Variants in DEPDC1B observed in about 807,000 individuals in gnomAD.
The protein encoded by DEPDC1B is DEP domain-containing protein 1B.
In DEPDC1B, 51 loss-of-function variants were observed where a neutral mutation model predicts 66.5. The ratio of observed to expected loss-of-function variants is 0.77; its 90% CI spans 0.61 to 0.97. The LOEUF is 0.97. DEPDC1B is among the 50% of genes least tolerant of loss of function. The pLI is 0.00. For synonymous variants in DEPDC1B, 226 were observed against 223.6 expected, an observed-to-expected ratio of 1.01 and a Z score of -0.10; for missense variants, 552 against 637.1, an observed-to-expected ratio of 0.87 and a Z score of 1.44.
At chr5:60,691,500 G>A (rs1754544745) in intron 1 of DEPDC1B, among the ~76,000 whole-genome samples, 1 of 152,016 alleles carries the variant, frequency 6.6e-6, no homozygotes, top group Non-Finnish European at 1.5e-5. Flanking sequence ...TGTGAGTCAT[G>A]CTCCAAATTA....
chr5:60,601,556 T>A (rs1752199377), intron 9 of DEPDC1B, among the ~76,000 whole-genome samples: 1 of 152,158 alleles, frequency 6.6e-6, no homozygotes, highest in African/African-American at 2.4e-5. Flanking sequence ...TAAAAAATAA[T>A]CACAGATTAG....
chr5:60,623,558 A>C (rs1399808746), intron 7 of DEPDC1B, among the ~76,000 whole-genome samples: 2 of 152,168 alleles, frequency 1.3e-5, no homozygotes, highest in African/African-American at 4.8e-5. Context: ...CTACAAAAAA[A>C]AGCTTGGATT....
chr5:60,637,614 A>C (rs1300439544), intron 7 of DEPDC1B, among the ~76,000 whole-genome samples: 1 of 152,196 alleles, frequency 6.6e-6, no homozygotes, highest in African/African-American at 2.4e-5. Context: ...GCAACAGCAA[A>C]TATTCATCAT....
rs1411962425 is a variant in DEPDC1B, at chr5:60,599,083, G to A, written c.1420C>T (p.Leu474=). 3.1e-6 allele frequency: 5 copies of A among 1,588,142 alleles called. No individual in the cohort carries two copies. The African/African-American group carries it at 6.9e-5, about 22-fold the overall frequency. The change falls in exon 10 of 11, where the codon CTG becomes TTG. Residue 474 remains leucine, a synonymous_variant. Transcript: ENST00000265036. ...KLSNKEKKKK[L]KQFQKSYPEV... is the part of the protein sequence containing the mutation. Reference sequence around the variant, plus strand: ...AAAGAATATCCTTTTACCTGCTTCAGTTTCTTCTTTTTCTCTTTGTTGGAG... The same window carrying A: ...AAAGAATATCCTTTTACCTGCTTCAATTTCTTCTTTTTCTCTTTGTTGGAG...
At chr5:60,697,334 G>A (rs1192700423) in intron 1 of DEPDC1B, among the ~76,000 whole-genome samples, 2 of 152,102 alleles carry the variant, frequency 1.3e-5, no homozygotes, top group Non-Finnish European at 2.9e-5. Context: ...AAAGTAAAGT[G>A]AGCCATGAAA....
At chr5:60,678,242 C>A (rs1474535915) in intron 2 of DEPDC1B, among the ~76,000 whole-genome samples, 2 of 152,172 alleles carry the variant, frequency 1.3e-5, no homozygotes, top group Admixed American at 6.5e-5. Context: ...ACGCTCCTTC[C>A]TGCTCTCCCT....
chr5:60,601,184 C>T (rs1442392271), intron 9 of DEPDC1B, among the ~76,000 whole-genome samples: 5 of 152,198 alleles, frequency 3.3e-5, no homozygotes, highest in Non-Finnish European at 7.3e-5. Flanking sequence ...TTGGGTATGT[C>T]TTTATTAGCA....
chr5:60,672,249 A>C (rs1476195464), intron 2 of DEPDC1B, among the ~76,000 whole-genome samples: 1 of 152,214 alleles, frequency 6.6e-6, no homozygotes, highest in Non-Finnish European at 1.5e-5. Context: ...ATTTGAGCGC[A>C]AGTTACAGTA....
chr5:60,605,630 C>T (rs1396201903), intron 8 of DEPDC1B, 60 bp downstream of exon 8: 41 of 1,555,252 alleles, frequency 2.6e-5, no homozygotes, highest in Non-Finnish European at 3.6e-5. Flanking sequence ...CAAACTAATA[C>T]ACCTTACTCA....
chr5:60,640,492 T>C (rs1753163276), intron 6 of DEPDC1B, among the ~76,000 whole-genome samples: 1 of 152,240 alleles, frequency 6.6e-6, no homozygotes, highest in African/African-American at 2.4e-5. Flanking sequence ...TAATAATATT[T>C]AAAAATTTTT....
At chr5:60,645,456 T>A (rs1229671119) in intron 4 of DEPDC1B, 36 bp downstream of exon 4, 1 of 1,536,658 alleles carries the variant, frequency 6.5e-7, no homozygotes, top group Non-Finnish European at 8.8e-7. Context: ...GGAAACAATA[T>A]CTCTAAAATT....
chr5:60,615,233 G>A (rs1385775550), intron 7 of DEPDC1B, among the ~76,000 whole-genome samples: 2 of 152,120 alleles, frequency 1.3e-5, no homozygotes, highest in African/African-American at 2.4e-5. Flanking sequence ...CGCAGAAGAC[G>A]GGTGATTTCT....
At chr5:60,607,136 G>A (rs1378948885) in intron 7 of DEPDC1B, among the ~76,000 whole-genome samples, 1 of 152,138 alleles carries the variant, frequency 6.6e-6, no homozygotes, top group Non-Finnish European at 1.5e-5. Context: ...CCACAGGAGG[G>A]GAACTATAAG....
At chr5:60,620,397 A>C (rs1236177330) in intron 7 of DEPDC1B, among the ~76,000 whole-genome samples, 4 of 152,212 alleles carry the variant, frequency 2.6e-5, no homozygotes, top group African/African-American at 9.6e-5. Context: ...TCATCTGACA[A>C]AGGGCTAATA....
At chr5:60,690,120 C>G (rs764929597) in intron 1 of DEPDC1B, among the ~76,000 whole-genome samples, 10 of 151,968 alleles carry the variant, frequency 6.6e-5, no homozygotes, top group Non-Finnish European at 1.0e-4. Flanking sequence ...TTTAATAAAC[C>G]TGAAGTGTTT....
At chr5:60,670,745 C>T (rs13362162) in intron 2 of DEPDC1B, among the ~76,000 whole-genome samples, 2,902 of 152,254 alleles carry the variant, frequency 0.019, 62 homozygotes, top group Non-Finnish European at 0.023. Context: ...TACTTACCAT[C>T]CCTCCCTGTG....
chr5:60,625,751 C>A (rs1188483407), intron 7 of DEPDC1B, among the ~76,000 whole-genome samples: 4 of 152,114 alleles, frequency 2.6e-5, no homozygotes, highest in African/African-American at 9.7e-5. Flanking sequence ...CTAAATATTT[C>A]CCATAGGTCA....
intron 2 of DEPDC1B, among the ~76,000 whole-genome samples, chr5:60,662,315 G>C (rs571560034): frequency 1.2e-4 from 19 of 152,214 alleles, no homozygotes; most frequent in African/African-American, 4.3e-4. Context: ...GTGAACCCGG[G>C]AGGCAGAGCT....
At chr5:60,623,900 C>A (rs1752759441) in intron 7 of DEPDC1B, among the ~76,000 whole-genome samples, 1 of 152,040 alleles carries the variant, frequency 6.6e-6, no homozygotes, top group Non-Finnish European at 1.5e-5. Flanking sequence ...ATTATTAATT[C>A]ATAAGTGCTT....
Sources: allele counts gnomAD v4.1 joint callset (sites outside exome capture counted in the v4.1 genomes callset), GRCh38; gene constraint gnomAD v4.1.1; transcripts MANE v1.5; gene names NCBI Gene and HGNC (gene_info 2026-07-23, HGNC 2026-07-21).